LMBR1L: variants seen among roughly 807,000 people sequenced by gnomAD.
LMBR1L encodes the protein limb development membrane protein 1 like.
Under a neutral mutation model 67.3 loss-of-function variants are expected in LMBR1L, and 47 were observed. The ratio of observed to expected loss-of-function variants is 0.70; its 90% CI spans 0.55 to 0.89. The LOEUF is 0.89. Among genes scored for constraint, LMBR1L ranks in the 40% least tolerant of loss-of-function variants. LMBR1L has a pLI of 0.00. For synonymous variants in LMBR1L, 247 were observed against 250.3 expected, an observed-to-expected ratio of 0.99 and a Z score of 0.13; for missense variants, 533 against 599.2, an observed-to-expected ratio of 0.89 and a Z score of 1.15.
intron 3 of LMBR1L, chr12:49,105,086 A>G: frequency 1.7e-6 from 1 of 584,112 alleles, no homozygotes; most frequent in Non-Finnish European, 3.0e-6. Context: ...GCCCCAGCTC[A>G]TGGGATGGGC....
At chr12:49,110,222 T>TG in intron 1 of LMBR1L, 5 of 234,396 alleles carry the variant, frequency 2.1e-5, no homozygotes, top group South Asian at 1.8e-4. Flanking sequence ...ACGCGCTGGG[T>TG]GAGGGGTGGG....
rs1940622734 is a variant in LMBR1L, at chr12:49,104,440, C to T, written c.435+8G>A. ...CGTTTCCTGCCTGGATACATATCCC[C>T]TACTTACCTTTCTGGAGCCAGCAAA... On this transcript the variant is annotated splice_region_variant and intron_variant, in intron 5 of 16. Transcript: ENST00000267102. The T allele has an allele frequency of 2.5e-6, 4 of 1,582,358 alleles. No homozygotes were observed. Among genetic ancestry groups the T allele is most frequent in the African/African-American group, 1.3e-5 (1 of 74,128 alleles).
chr12:49,103,327 T>C (rs528931152), intron 6 of LMBR1L, among the ~76,000 whole-genome samples, 168 bp from the exon 7 acceptor site: 37 of 152,138 alleles, frequency 2.4e-4, no homozygotes, highest in Non-Finnish European at 5.1e-4. Context: ...GCAGGGCCTA[T>C]AGTAAACTGG....
In LMBR1L at chr12:49,104,755, G is replaced by C; in HGVS notation, c.322C>G (p.Leu108Val). Residue 108 changes from leucine (L) to valine (V), a missense_variant, in exon 4 of 17, where the codon CTC (leucine) becomes GTC (valine). By Grantham distance (32) the Leu-to-Val change is conservative. Transcript: ENST00000267102. ...NYYIQWLNGS[L>V]IHGLWNLVFL... ...TCCAGGAGCCACACACCATGGATGA[G>C]GGAGCCGTTGAGCCACTGGATGTAG... is the stretch of plus-strand genomic sequence containing the variant. 1 of 1,613,470 alleles carries C rather than the reference G, an allele frequency of 6.2e-7. No homozygotes were observed. Among genetic ancestry groups the C allele is most frequent in the Non-Finnish European group, 8.5e-7 (1 of 1,179,726 alleles).
intron 4 of LMBR1L, 21 bp from the exon 5 acceptor site, chr12:49,104,572 C>T: frequency 6.3e-7 from 1 of 1,597,972 alleles, no homozygotes; most frequent in Non-Finnish European, 8.6e-7. Context: ...AAAGGAAGAG[C>T]AGAAGTGGTC....
In LMBR1L at chr12:49,104,852, G is replaced by T. The variant is rs141166526; in HGVS notation, c.225C>A (p.Ala75=). The change falls in exon 4 of 17, where the codon GCC becomes GCA. Residue 75 remains alanine, a synonymous_variant. Coordinates refer to ENST00000267102, the MANE Select transcript of LMBR1L (RefSeq NM_018113.4). ...AGGGCAGGAGCAGGACAGCACCCAG[G>T]GCAATTGCCAGGGTAAAGGTGCACA... The part of the protein sequence containing the change: ...LELCTFTLAI[A]LGAVLLLPFS... 1,180 of 1,613,468 alleles carry T rather than the reference G, an allele frequency of 7.3e-4. 5 individuals carry two copies. The African/African-American group carries it at 0.014, about 19-fold the overall frequency.
rs1940430993 is a variant in LMBR1L, at chr12:49,103,134, G to A, written c.588C>T (p.Tyr196=). The part of the protein sequence containing the change: ...LYDFWEYYLP[Y]LYSCISFLGV... ...CAAGGAAGGAGATGCATGAGTAGAG[G>A]TAGGGGAGATAGTACTCCCAAAAGT... Residue 196 remains tyrosine, a synonymous_variant, in exon 7 of 17, where the codon TAC becomes TAT. Coordinates refer to ENST00000267102, the MANE Select transcript of LMBR1L (RefSeq NM_018113.4). 1 of 1,614,034 alleles carries A rather than the reference G, an allele frequency of 6.2e-7. No individual in the cohort carries two copies. Among genetic ancestry groups the A allele is most frequent in the East Asian group, 2.2e-5 (1 of 44,886 alleles).
chr12:49,104,627 G>A (rs1040896740), intron 4 of LMBR1L, 76 bp from the exon 5 acceptor site: 1 of 1,562,426 alleles, frequency 6.4e-7, no homozygotes, highest in South Asian at 1.1e-5. Flanking sequence ...ATTTGCAGGA[G>A]AAGCAGAGTG....
intron 5 of LMBR1L, 188 bp downstream of exon 5, chr12:49,104,260 T>C (rs1940595222): frequency 3.3e-6 from 2 of 599,446 alleles, no homozygotes; most frequent in Non-Finnish European, 5.9e-6. Context: ...CAGCTATTAG[T>C]GGGTTCTAGA....
chr12:49,103,825 G>A lies in LMBR1L; in HGVS notation c.436-12C>T. ...CGGCCCAGGACACCCTACGGGAGGA[G>A]GCAACCAGTGAAGAAGGTTAACATC... is the stretch of plus-strand genomic sequence containing the variant. On this transcript the variant is annotated splice_polypyrimidine_tract_variant and intron_variant, in intron 5 of 16. Transcript: ENST00000267102. The A allele has an allele frequency of 1.9e-6, 3 of 1,603,242 alleles. No homozygotes were observed. The highest frequency in any genetic ancestry group is 2.6e-6 in the Non-Finnish European group (3 of 1,175,440).
intron 13 of LMBR1L, 143 bp downstream of exon 13, chr12:49,101,107 C>A: frequency 6.4e-7 from 1 of 1,558,748 alleles, no homozygotes; most frequent in South Asian, 1.2e-5. Context: ...TCTTTCTGAA[C>A]CTGAGGTTGA....
At position 49,102,479 on chromosome 12, in the gene LMBR1L, C is replaced by T. The variant is rs200579973; in HGVS notation, c.758G>A (p.Arg253His). ...GAACTGCAACTTACTACAGATCCTG[C>T]GGGTCAGGGCTGCCTCCTCAAAGGC... ...CSAFEEAALT[R>H]RICNPTSCWL... Residue 253 changes from arginine (R) to histidine (H), a missense_variant, in exon 9 of 17, where the codon CGC becomes CAC. Physicochemically the swap from Arg to His is conservative, Grantham distance 29 (BLOSUM62 0). Around this residue, in one of 3 missense-constraint regions of LMBR1L, gnomAD observed 64 missense variants for 109.0 expected, o/e 0.59. Transcript: ENST00000267102. The T allele has an allele frequency of 3.2e-5, 52 of 1,614,182 alleles. No individual in the cohort carries two copies. In the African/African-American group the frequency reaches 4.1e-4, roughly 13 times the overall value.
At position 49,098,096 on chromosome 12, in the gene LMBR1L, C is replaced by T. The variant is rs1565580701; in HGVS notation, c.1250G>A (p.Arg417His). The T allele has an allele frequency of 1.2e-6, 2 of 1,613,328 alleles. No homozygotes were observed. The highest frequency in any genetic ancestry group is 1.1e-5 in the South Asian group (1 of 91,028). The change falls in exon 16 of 17, where the codon CGC becomes CAC. Residue 417 changes from arginine to histidine, a missense_variant. Coordinates refer to ENST00000267102, the MANE Select transcript of LMBR1L (RefSeq NM_018113.4). ...TCCAAAGTCACCCAGCAGGTCAAAGCGAGTGAGCCCTGAAGCACAAAGGCC... is the reference window on the plus strand; with the variant it reads ...TCCAAAGTCACCCAGCAGGTCAAAGTGAGTGAGCCCTGAAGCACAAAGGCC... Reference protein sequence around the residue: ...PVFSRTLGLTRFDLLGDFGRF... With the variant: ...PVFSRTLGLTHFDLLGDFGRF...
chr12:49,104,811 T>C lies in LMBR1L; in HGVS notation c.266A>G (p.Asn89Ser), dbSNP rs141340191. The change falls in exon 4 of 17, where the codon AAT becomes AGT. Residue 89 changes from asparagine (N) to serine (S), a missense_variant. By Grantham distance (46) the Asn-to-Ser change is conservative. This residue lies in a region of LMBR1L where 246 missense variants were observed against 249.0 expected (regional missense o/e 0.99). Coordinates refer to ENST00000267102, the MANE Select transcript of LMBR1L (RefSeq NM_018113.4). Reference sequence around the variant, plus strand: ...CCGAGGCAGGGAGAGCAGCACCTCATTGCTGATGATGGAGAAGGGCAGGAG... The same window carrying C: ...CCGAGGCAGGGAGAGCAGCACCTCACTGCTGATGATGGAGAAGGGCAGGAG... ...VLLLPFSIIS[N>S]EVLLSLPRNY... 1 of 1,613,724 alleles carries C rather than the reference T, an allele frequency of 6.2e-7. No individual in the cohort carries two copies. Among genetic ancestry groups the C allele is most frequent in the African/African-American group, 1.3e-5 (1 of 74,896 alleles).
In LMBR1L at chr12:49,109,259, C is replaced by A. The variant is rs574240358; in HGVS notation, c.72+1225G>T. ...GTCCAAGGTCTCATCCCTCCCTGTT[C>A]TCTAGGAATTTGAGCCTCCAGCCCG... On this transcript the variant is annotated intron_variant, in intron 1 of 16. Coordinates refer to ENST00000267102, the MANE Select transcript of LMBR1L (RefSeq NM_018113.4). Among the ~76,000 whole-genome samples the A allele has an allele frequency of 2.0e-5, 3 of 152,298 alleles. No individual in the cohort carries two copies. The East Asian group carries it at 5.8e-4, about 29-fold the overall frequency.
chr12:49,098,034 G>T lies in LMBR1L; in HGVS notation c.1312C>A (p.Leu438Ile). ...AGGCCTGCAAAGGCTGCGTTGTAGA[G>T]GAACACAATGTAGAAATTGCCCAGC... ...NWLGNFYIVF[L>I]YNAAFAGLTT... The change falls in exon 16 of 17, where the codon CTC becomes ATC. Residue 438 changes from leucine (L) to isoleucine (I), a missense_variant. By Grantham distance (5) the Leu-to-Ile change is conservative (BLOSUM62 2). This residue lies in a region of LMBR1L where 223 missense variants were observed against 241.2 expected (regional missense o/e 0.92). Coordinates refer to ENST00000267102, the MANE Select transcript of LMBR1L (RefSeq NM_018113.4). 1 of 1,614,170 alleles carries T rather than the reference G, an allele frequency of 6.2e-7. No homozygotes were observed. Among genetic ancestry groups the T allele is most frequent in the Non-Finnish European group, 8.5e-7 (1 of 1,180,036 alleles).
At position 49,102,385 on chromosome 12, in the gene LMBR1L, A is replaced by G. The variant is rs1940314401; in HGVS notation, c.770-9T>C. On this transcript the variant is annotated splice_polypyrimidine_tract_variant and intron_variant, in intron 9 of 16. Transcript: ENST00000267102. ...CCAGCAGGAAGTAGGATCTGAGGGC[A>G]GAGAAGATGGTGTTGCTCTCAAGTC... is the stretch of plus-strand genomic sequence containing the variant. 9 of 1,614,032 alleles carry G rather than the reference A, an allele frequency of 5.6e-6. No homozygotes were observed. Among genetic ancestry groups the G allele is most frequent in the Non-Finnish European group, 7.6e-6 (9 of 1,179,972 alleles).
At chr12:49,108,040 G>A (rs921864874) in intron 1 of LMBR1L, among the ~76,000 whole-genome samples, 2 of 152,094 alleles carry the variant, frequency 1.3e-5, no homozygotes, top group African/African-American at 4.8e-5. Context: ...CACAGTGGGA[G>A]GATCATGAGG....
chr12:49,107,503 C>T (rs1941054030), intron 1 of LMBR1L, among the ~76,000 whole-genome samples: 1 of 152,228 alleles, frequency 6.6e-6, no homozygotes, highest in African/African-American at 2.4e-5. Context: ...TGCTACCCCA[C>T]CCTCCTACCT....
Sources: allele counts gnomAD v4.1 joint callset (sites outside exome capture counted in the v4.1 genomes callset), GRCh38; gene constraint gnomAD v4.1.1; regional missense constraint gnomAD v4.1.1; transcripts MANE v1.5; gene names NCBI Gene and HGNC (gene_info 2026-07-23, HGNC 2026-07-21).